Variants in FAR1 observed in about 807,000 individuals in gnomAD.
FAR1 encodes fatty acyl-CoA reductase 1, also known as male sterility domain-containing protein 2.
Under a neutral mutation model 61.1 loss-of-function variants are expected in FAR1, and 22 were observed. That is an observed-to-expected ratio of 0.36 (90% CI 0.26 to 0.51). FAR1 has a LOEUF of 0.51. Ranked by LOEUF, FAR1 falls within the 20% of genes least tolerant of loss-of-function variation. FAR1 has a pLI of 0.95. For missense variants in FAR1, 359 were observed against 626.9 expected, an observed-to-expected ratio of 0.57 and a Z score of 4.56; for synonymous variants, 206 against 209.7, an observed-to-expected ratio of 0.98 and a Z score of 0.15.
At chr11:13,700,640 T>C in intron 3 of FAR1, 148 bp downstream of exon 3, 1 of 400,616 alleles carries the variant, frequency 2.5e-6, no homozygotes, top group South Asian at 1.1e-4. Context: ...CTACAGAGTG[T>C]TAAAAGAATT....
chr11:13,730,351 A>G lies in FAR1; in HGVS notation c.*1577A>G, dbSNP rs995826637. The G allele has an allele frequency of 2.6e-5, 4 of 152,474 alleles. No homozygotes were observed. The highest frequency in any genetic ancestry group is 9.7e-5 in the African/African-American group (4 of 41,442). 9.4% of individuals were successfully genotyped at this position (152,474 alleles called of 1,614,324 possible). The stretch of plus-strand genomic sequence containing the variant: ...AATCTTGAAAAGGAAAAATGCTTCC[A>G]TGTTGAAGCCAGATTTTCTGTAGTA... On this transcript the variant is annotated 3_prime_UTR_variant, in exon 12 of 12. Transcript: ENST00000354817.
chr11:13,691,308 C>T (rs925962884), intron 1 of FAR1, among the ~76,000 whole-genome samples: 6 of 152,202 alleles, frequency 3.9e-5, no homozygotes, highest in African/African-American at 1.4e-4. Flanking sequence ...GGAAGGAGCC[C>T]TCCTGCCCTT....
chr11:13,691,796 A>G (rs1848252986), intron 1 of FAR1, among the ~76,000 whole-genome samples: 1 of 152,180 alleles, frequency 6.6e-6, no homozygotes, highest in African/African-American at 2.4e-5. Context: ...TATTTGTGCC[A>G]CTTGGCTATC....
chr11:13,673,249 A>T (rs1848030939), intron 1 of FAR1, among the ~76,000 whole-genome samples: 1 of 152,210 alleles, frequency 6.6e-6, no homozygotes, highest in Non-Finnish European at 1.5e-5. Flanking sequence ...GCGTAAATTC[A>T]TCTAGCTTTT....
At chr11:13,712,626 T>G (rs1848512555) in intron 7 of FAR1, among the ~76,000 whole-genome samples, 1 of 152,138 alleles carries the variant, frequency 6.6e-6, no homozygotes, top group Non-Finnish European at 1.5e-5. Flanking sequence ...CCATAATTTT[T>G]TTTCAGCTAG....
At position 13,717,903 on chromosome 11, in the gene FAR1, A is replaced by G. The variant is rs539296487; in HGVS notation, c.1127+3223A>G. 8.6e-5 allele frequency among the ~76,000 whole-genome samples: 13 copies of G among 151,414 alleles called. No homozygotes were observed. In the South Asian group the frequency reaches 1.0e-3, roughly 12 times the overall value. ...TCTCTTCATTTTTTTTTTCTTGTCT[A>G]TCCCTTTACATGTAATCTGACATGA... On this transcript the variant is annotated intron_variant, in intron 9 of 11. Coordinates refer to ENST00000354817, the MANE Select transcript of FAR1 (RefSeq NM_032228.6).
intron 11 of FAR1, among the ~76,000 whole-genome samples, chr11:13,728,349 A>G (rs1021998264): frequency 2.6e-5 from 4 of 151,858 alleles, no homozygotes; most frequent in Non-Finnish European, 5.9e-5. Flanking sequence ...CTTGTAAGCA[A>G]CTAAAGATGT....
chr11:13,711,455 T>C (rs1848497907), intron 5 of FAR1, among the ~76,000 whole-genome samples: 1 of 152,224 alleles, frequency 6.6e-6, no homozygotes. Flanking sequence ...AAATCAAACT[T>C]GAACAAGCTT....
At chr11:13,707,422 T>G (rs2032976860) in intron 3 of FAR1, among the ~76,000 whole-genome samples, 1 of 152,174 alleles carries the variant, frequency 6.6e-6, no homozygotes, top group South Asian at 2.1e-4. Context: ...GATTATATGT[T>G]AATATAATTT....
chr11:13,694,268 C>T (rs558123368), intron 1 of FAR1, among the ~76,000 whole-genome samples: 2 of 152,028 alleles, frequency 1.3e-5, no homozygotes, highest in East Asian at 1.9e-4. Flanking sequence ...AGAAAGGGCT[C>T]GGTGTCACCT....
At chr11:13,681,699 A>AGCTAGAACT (rs1848128838) in intron 1 of FAR1, among the ~76,000 whole-genome samples, 1 of 152,214 alleles carries the variant, frequency 6.6e-6, no homozygotes, top group Non-Finnish European at 1.5e-5. Flanking sequence ...TAAAGTCCGG[A>AGCTAGAACT]GCTAGAACTG....
chr11:13,712,476 A>T (rs1376537699), intron 7 of FAR1, among the ~76,000 whole-genome samples: 1 of 152,040 alleles, frequency 6.6e-6, no homozygotes, highest in Non-Finnish European at 1.5e-5. Context: ...TACAGGTAAC[A>T]CTTAAACTTT....
rs562825620 is a variant in FAR1, at chr11:13,720,115, C to T, written c.1128-1615C>T. On this transcript the variant is annotated intron_variant, in intron 9 of 11. Coordinates refer to ENST00000354817, the MANE Select transcript of FAR1 (RefSeq NM_032228.6). Reference sequence around the variant, plus strand: ...ATGGCCTTTCAAATTTCTTCCCCCTCCCCGATTTTTTATTGCAATTATTTT... The same window carrying T: ...ATGGCCTTTCAAATTTCTTCCCCCTTCCCGATTTTTTATTGCAATTATTTT... The T allele has an allele frequency of 2.4e-3, 364 of 152,226 alleles. 1 individual carries two copies. Among genetic ancestry groups the T allele is most frequent in the African/African-American group, 8.5e-3 (355 of 41,556 alleles). 9.4% of individuals were successfully genotyped at this position (152,226 alleles called of 1,614,324 possible). A position where few individuals can be genotyped will look rare whatever the true frequency, so the allele number is the denominator to read the frequency against.
chr11:13,727,567 T>C lies in FAR1; in HGVS notation c.1269T>C (p.Ile423=). Residue 423 remains isoleucine, a synonymous_variant, in exon 11 of 12, where the codon ATT becomes ATC. Coordinates refer to ENST00000354817, the MANE Select transcript of FAR1 (RefSeq NM_032228.6). ...TTTTGTTAACGTAGACCTTCAATAT[T>C]GATGTACGGCAGTTACATTGGGCAG... ...LNPEDKKTFN[I]DVRQLHWAEY... 6.2e-7 allele frequency: 1 copy of C among 1,603,474 alleles called. No individual in the cohort carries two copies. The highest frequency in any genetic ancestry group is 1.3e-5 in the African/African-American group (1 of 74,372).
chr11:13,672,951 A>G (rs974673636), intron 1 of FAR1, among the ~76,000 whole-genome samples: 2 of 152,184 alleles, frequency 1.3e-5, no homozygotes, highest in Admixed American at 1.3e-4. Flanking sequence ...TTTTGGCTTT[A>G]TATCCTTCTT....
At chr11:13,698,401 G>C (rs1848331710) in intron 2 of FAR1, among the ~76,000 whole-genome samples, 1 of 152,138 alleles carries the variant, frequency 6.6e-6, no homozygotes, top group Non-Finnish European at 1.5e-5. Context: ...GTTACATCCT[G>C]AATCTCATTG....
At chr11:13,719,943 C>T (rs1848593166) in intron 9 of FAR1, 1 of 152,074 alleles carries the variant, frequency 6.6e-6, no homozygotes. Flanking sequence ...CAGAACATAC[C>T]TGGCAATGTA....
At chr11:13,693,952 C>T (rs768418330) in intron 1 of FAR1, among the ~76,000 whole-genome samples, 12 of 152,162 alleles carry the variant, frequency 7.9e-5, no homozygotes, top group South Asian at 2.1e-4. Context: ...CTTATTCTCT[C>T]TCTGGTTGTA....
At chr11:13,681,082 T>G (rs1049877849) in intron 1 of FAR1, among the ~76,000 whole-genome samples, 4 of 152,210 alleles carry the variant, frequency 2.6e-5, no homozygotes, top group African/African-American at 9.6e-5. Flanking sequence ...TTAGTTCAGC[T>G]AAAACCAGGT....
Sources: allele counts gnomAD v4.1 joint callset (sites outside exome capture counted in the v4.1 genomes callset), GRCh38; gene constraint gnomAD v4.1.1; transcripts MANE v1.5; gene names NCBI Gene and HGNC (gene_info 2026-07-23, HGNC 2026-07-21).